The following ZNF577 variants were observed in gnomAD, a reference collection of about 807,000 sequenced individuals.
The protein encoded by ZNF577 is zinc finger protein 577.
ZNF577 carries 14 observed loss-of-function variants against 13.9 expected under a neutral mutation model. The observed-to-expected ratio is 1.00, with a 90% CI of 0.66 to 1.57. ZNF577 has a LOEUF of 1.57. ZNF577 is among the 40% of genes most tolerant of loss of function. ZNF577 has a pLI of 0.00. For missense variants in ZNF577, 555 were observed against 579.2 expected, an observed-to-expected ratio of 0.96 and a Z score of 0.43; for synonymous variants, 203 against 202.9, an observed-to-expected ratio of 1.00 and a Z score of 0.00.
Position 51,880,378 on chromosome 19 carries a change from T to A in ZNF577, c.5A>T (p.Lys2Ile). The A allele has an allele frequency of 6.2e-7, 1 of 1,614,150 alleles. No individual in the cohort carries two copies. The highest frequency in any genetic ancestry group is 8.5e-7 in the Non-Finnish European group (1 of 1,180,026). ...CACAGACATTACAATCGTGGCATTT[T>A]TCATGTGTTTCCTGTTATTTCAGCT... M[K>I]NATIVMSVRR... The change falls in exon 3 of 6, where the codon AAA (lysine) becomes ATA (isoleucine). Residue 2 changes from lysine (K) to isoleucine (I), a missense_variant. Transcript: ENST00000638348.
chr19:51,828,094 A>G (rs150215664), intron 9 of ZNF577, among the ~76,000 whole-genome samples: 247 of 152,316 alleles, frequency 1.6e-3, no homozygotes, highest in African/African-American at 5.8e-3. Context: ...AAGGCTGGGC[A>G]TGATGGCTGA....
Position 51,835,803 on chromosome 19 carries a change from C to T in ZNF577, c.*599+4090G>A, listed in dbSNP as rs989649503. Among the ~76,000 whole-genome samples, 3 of 152,288 alleles carry T rather than the reference C, an allele frequency of 2.0e-5. No homozygotes were observed. In the Middle Eastern group the frequency reaches 0.01, roughly 518 times the overall value. On this transcript the variant is annotated intron_variant and NMD_transcript_variant, in intron 9 of 10. Transcript: ENST00000638827. ...CGCCTCCCTGGTTCAAGCAATTCTC[C>T]TGTCTCAGCCTCCTGAGTAGCTCGA...
chr19:51,828,069 T>C (rs1469846676), intron 9 of ZNF577, among the ~76,000 whole-genome samples: 2 of 152,038 alleles, frequency 1.3e-5, no homozygotes, highest in South Asian at 2.1e-4. Context: ...GGTGTAGCCA[T>C]AGAAAATAAG....
At chr19:51,855,542 T>C (rs923357618) in intron 5 of ZNF577, among the ~76,000 whole-genome samples, 7 of 152,140 alleles carry the variant, frequency 4.6e-5, no homozygotes, top group African/African-American at 1.7e-4. Flanking sequence ...TCCCTGTGTA[T>C]GTGTTGGGCC....
At chr19:51,809,235 T>A (rs1409696714) in intron 10 of ZNF577, among the ~76,000 whole-genome samples, 1 of 152,246 alleles carries the variant, frequency 6.6e-6, no homozygotes, top group Non-Finnish European at 1.5e-5. Context: ...AGTACATGAC[T>A]GTCCATCTGG....
intron 10 of ZNF577, among the ~76,000 whole-genome samples, chr19:51,807,821 A>C (rs936144794): frequency 5.9e-5 from 9 of 152,242 alleles, no homozygotes; most frequent in Non-Finnish European, 1.3e-4. Flanking sequence ...GAGAGTCTAA[A>C]GGAACAATAA....
At chr19:51,850,127 A>G (rs2084372434) in intron 5 of ZNF577, among the ~76,000 whole-genome samples, 1 of 152,180 alleles carries the variant, frequency 6.6e-6, no homozygotes, top group Non-Finnish European at 1.5e-5. Flanking sequence ...TAAAGCACTA[A>G]TCTTCTCCAA....
chr19:51,828,823 G>C (rs900476144), intron 9 of ZNF577, among the ~76,000 whole-genome samples: 2 of 152,132 alleles, frequency 1.3e-5, no homozygotes, highest in Non-Finnish European at 2.9e-5. Flanking sequence ...GTCAGGTGTT[G>C]CCTTGGGGAC....
At position 51,870,598 on chromosome 19, in the gene ZNF577, T is replaced by C. The variant is rs2084643618; in HGVS notation, c.*1934A>G. ...TCTGCGTGTTCATTTCTTCCTGTTC[T>C]TCCTCCAGCCTAGGGGGGGTTTCTC... On this transcript the variant is annotated 3_prime_UTR_variant, in exon 6 of 6. Coordinates refer to ENST00000638348, the MANE Select transcript of ZNF577 (RefSeq NM_001370449.1). 6.7e-6 allele frequency among the ~76,000 whole-genome samples: 1 copy of C among 148,702 alleles called. No individual in the cohort carries two copies. The highest frequency in any genetic ancestry group is 1.9e-4 in the East Asian group (1 of 5,192).
chr19:51,865,570 G>T (rs1025222928), downstream of ZNF577, among the ~76,000 whole-genome samples: 1 of 152,146 alleles, frequency 6.6e-6, no homozygotes, highest in Non-Finnish European at 1.5e-5. Context: ...ATGATGTGTC[G>T]ATTGTGAGAA....
chr19:51,880,443 C>T lies in ZNF577; in HGVS notation c.-19-42G>A. ...GACACAGTTTAAAGCAGAGAAAACC[C>T]ACAGGGTCTTAACAGTCACTTAGCT... On this transcript the variant is annotated intron_variant, in intron 2 of 5. Transcript: ENST00000638348. 1.9e-6 allele frequency: 3 copies of T among 1,578,256 alleles called. No homozygotes were observed. The East Asian group carries it at 6.7e-5, about 35-fold the overall frequency.
chr19:51,861,111 C>CTTTTT, intron 5 of ZNF577: 2 of 232,368 alleles, frequency 8.6e-6, no homozygotes, highest in Non-Finnish European at 1.5e-5. Flanking sequence ...AATTGACTCT[C>CTTTTT]TCTTTTTTTT....
chr19:51,874,985 A>G (rs983977550), intron 5 of ZNF577, among the ~76,000 whole-genome samples: 2 of 152,274 alleles, frequency 1.3e-5, no homozygotes, highest in East Asian at 3.9e-4. Flanking sequence ...GGGTAAAAGA[A>G]GCCTCATACC....
intron 5 of ZNF577, among the ~76,000 whole-genome samples, chr19:51,847,607 C>T (rs1241015396): frequency 6.6e-6 from 1 of 152,078 alleles, no homozygotes. Context: ...TCACGAGAAA[C>T]GAGAGAATGG....
intron 5 of ZNF577, among the ~76,000 whole-genome samples, chr19:51,850,565 C>T (rs1384890232): frequency 6.6e-6 from 1 of 152,180 alleles, no homozygotes; most frequent in African/African-American, 2.4e-5. Flanking sequence ...CTGTAGCCTC[C>T]TGCTGTAATA....
chr19:51,807,907 G>C (rs1337401479), intron 10 of ZNF577, among the ~76,000 whole-genome samples: 1 of 152,190 alleles, frequency 6.6e-6, no homozygotes, highest in East Asian at 1.9e-4. Flanking sequence ...ATTAAAGAAA[G>C]ATAAACTTGC....
chr19:51,813,143 C>T (rs973802513), intron 9 of ZNF577, among the ~76,000 whole-genome samples: 2 of 151,532 alleles, frequency 1.3e-5, no homozygotes, highest in African/African-American at 2.4e-5. Flanking sequence ...CACACACACA[C>T]ACACACACAC....
At chr19:51,860,890 A>G (rs2084490804) in intron 5 of ZNF577, 1 of 395,186 alleles carries the variant, frequency 2.5e-6, no homozygotes, top group Non-Finnish European at 4.8e-6. Flanking sequence ...TGACTTTCAG[A>G]TTTTAATTTT....
chr19:51,865,897 A>G (rs897131241), downstream of ZNF577, among the ~76,000 whole-genome samples: 1 of 152,028 alleles, frequency 6.6e-6, no homozygotes, highest in African/African-American at 2.4e-5. Flanking sequence ...CGGGCAGATC[A>G]TGAGGTCAGG....
Sources: allele counts gnomAD v4.1 joint callset (sites outside exome capture counted in the v4.1 genomes callset), GRCh38; gene constraint gnomAD v4.1.1; transcripts MANE v1.5; gene names NCBI Gene and HGNC (gene_info 2026-07-23, HGNC 2026-07-21).